SEMA6D: variants seen among roughly 807,000 people sequenced by gnomAD.
SEMA6D encodes the protein semaphorin-6D.
In SEMA6D, 35 loss-of-function variants were observed where a neutral mutation model predicts 106.6. The observed-to-expected ratio is 0.33, with a 90% CI of 0.25 to 0.44. The LOEUF is 0.44. Ranked by LOEUF, SEMA6D falls within the 20% of genes least tolerant of loss-of-function variation. The pLI, the probability that SEMA6D is intolerant of heterozygous loss-of-function variation, is 1.00. For synonymous variants in SEMA6D, 499 were observed against 487.7 expected (o/e 1.02, Z -0.31); for missense variants, 1,185 against 1,345.9 (o/e 0.88, Z 1.87).
At chr15:47,284,597 A>G (rs1480641555) in intron 1 of SEMA6D, among the ~76,000 whole-genome samples, 1 of 152,210 alleles carries the variant, frequency 6.6e-6, no homozygotes, top group African/African-American at 2.4e-5. Flanking sequence ...GTTTTCTAAG[A>G]TAATTACAAA....
At chr15:47,207,146 G>T (rs1463161940) in intron 1 of SEMA6D, among the ~76,000 whole-genome samples, 1 of 152,146 alleles carries the variant, frequency 6.6e-6, no homozygotes, top group Non-Finnish European at 1.5e-5. Context: ...TAGGGAGCCA[G>T]CCTTGAAAGA....
chr15:47,582,301 G>A (rs2076268185), intron 3 of SEMA6D, among the ~76,000 whole-genome samples: 1 of 152,200 alleles, frequency 6.6e-6, no homozygotes. Context: ...AGAATCTCTT[G>A]ACAGTGGATT....
intron 1 of SEMA6D, among the ~76,000 whole-genome samples, chr15:47,290,091 C>T (rs78142733): frequency 6.6e-6 from 1 of 152,156 alleles, no homozygotes; most frequent in South Asian, 2.1e-4. Context: ...AGCATACTGC[C>T]TATGGGACAG....
chr15:47,185,980 GTATA>G (rs1418638830), intron 1 of SEMA6D, among the ~76,000 whole-genome samples: 4 of 151,764 alleles, frequency 2.6e-5, no homozygotes, highest in Non-Finnish European at 2.9e-5. Context: ...ATATATGTGT[GTATA>G]TATAAATATA....
At chr15:47,427,679 T>A (rs1447343719) in intron 2 of SEMA6D, among the ~76,000 whole-genome samples, 1 of 152,128 alleles carries the variant, frequency 6.6e-6, no homozygotes, top group Admixed American at 6.6e-5. Context: ...AATGTTATCT[T>A]CTCTAACTCA....
intron 4 of SEMA6D, among the ~76,000 whole-genome samples, chr15:47,625,315 T>C (rs1289069702): frequency 6.6e-6 from 1 of 152,138 alleles, no homozygotes; most frequent in Non-Finnish European, 1.5e-5. Context: ...GATAAAATAT[T>C]TAGACGAGTT....
chr15:47,552,905 TAA>T (rs1555389728), intron 3 of SEMA6D, among the ~76,000 whole-genome samples: 1 of 94,838 alleles, frequency 1.1e-5, no homozygotes, highest in Non-Finnish European at 2.0e-5. Flanking sequence ...TATATATATA[TAA>T]ATATATATAT....
intron 4 of SEMA6D, among the ~76,000 whole-genome samples, chr15:47,700,152 A>T (rs958428973): frequency 2.0e-5 from 3 of 152,218 alleles, no homozygotes; most frequent in Admixed American, 1.3e-4. Context: ...AAATGAAAGG[A>T]TATTCAATGT....
At chr15:47,496,681 A>G (rs2043671647) in intron 3 of SEMA6D, among the ~76,000 whole-genome samples, 1 of 151,900 alleles carries the variant, frequency 6.6e-6, no homozygotes, top group South Asian at 2.1e-4. Flanking sequence ...TTGACTGTTC[A>G]TTTTCCCGGT....
intron 3 of SEMA6D, among the ~76,000 whole-genome samples, chr15:47,554,841 T>C (rs1398624509): frequency 6.6e-6 from 1 of 152,180 alleles, no homozygotes; most frequent in Non-Finnish European, 1.5e-5. Flanking sequence ...AGCAAGGCGG[T>C]CTGTGTTCTC....
chr15:47,435,050 G>C (rs1437211494), intron 2 of SEMA6D, among the ~76,000 whole-genome samples: 2 of 152,080 alleles, frequency 1.3e-5, no homozygotes, highest in Non-Finnish European at 2.9e-5. Context: ...AAAATGGCCA[G>C]ATTTTAAACT....
chr15:47,649,788 C>T (rs1441437001), intron 4 of SEMA6D, among the ~76,000 whole-genome samples: 1 of 151,430 alleles, frequency 6.6e-6, no homozygotes, highest in Non-Finnish European at 1.5e-5. Context: ...ATGCCTACAA[C>T]TTTTCAAAGA....
At chr15:47,239,326 A>AT (rs2141722630) in intron 1 of SEMA6D, among the ~76,000 whole-genome samples, 1 of 152,294 alleles carries the variant, frequency 6.6e-6, no homozygotes, top group East Asian at 1.9e-4. Context: ...TAATTATTTC[A>AT]TTATATATTA....
At chr15:47,223,802 A>G (rs1442773646) in intron 1 of SEMA6D, among the ~76,000 whole-genome samples, 1 of 152,082 alleles carries the variant, frequency 6.6e-6, no homozygotes, top group Non-Finnish European at 1.5e-5. Flanking sequence ...AATTTATGGT[A>G]CATATATTTA....
intron 1 of SEMA6D, among the ~76,000 whole-genome samples, chr15:47,343,248 T>TTATTATTATTATTA (rs1555425175): frequency 0.029 from 4,212 of 146,098 alleles, 92 homozygotes; most frequent in Admixed American, 0.057. Flanking sequence ...TAGTTGGATT[T>TTATTATTATTATTA]TTATTATTAT....
intron 3 of SEMA6D, among the ~76,000 whole-genome samples, chr15:47,587,381 G>A (rs1413848344): frequency 4.6e-5 from 7 of 152,184 alleles, no homozygotes; most frequent in Non-Finnish European, 2.9e-5. Context: ...TGGTCCCACA[G>A]CATTTCAGAC....
intron 1 of SEMA6D, among the ~76,000 whole-genome samples, chr15:47,319,488 C>G (rs1425061385): frequency 6.6e-6 from 1 of 151,996 alleles, no homozygotes; most frequent in African/African-American, 2.4e-5. Flanking sequence ...TTAATGAATA[C>G]ATTGGTCTCT....
chr15:47,512,785 A>T (rs1328676651), intron 3 of SEMA6D, among the ~76,000 whole-genome samples: 1 of 152,168 alleles, frequency 6.6e-6, no homozygotes, highest in East Asian at 1.9e-4. Flanking sequence ...AGTCTGACAG[A>T]ATTGGTGACT....
chr15:47,567,708 T>C (rs933522890), intron 3 of SEMA6D, among the ~76,000 whole-genome samples: 5 of 152,204 alleles, frequency 3.3e-5, no homozygotes, highest in Non-Finnish European at 7.3e-5. Context: ...TATATGCTTA[T>C]TGCTTACTTC....
Sources: allele counts gnomAD v4.1 joint callset (sites outside exome capture counted in the v4.1 genomes callset), GRCh38; gene constraint gnomAD v4.1.1; transcripts MANE v1.5; gene names NCBI Gene and HGNC (gene_info 2026-07-23, HGNC 2026-07-21).